The following ZFHX3 variants were observed in gnomAD, a reference collection of about 807,000 sequenced individuals.
ZFHX3 encodes the protein zinc finger homeobox 3, also known as zinc finger homeobox protein 3.
ZFHX3 carries 42 observed loss-of-function variants against 279.1 expected under a neutral mutation model. The observed-to-expected ratio is 0.15, with a 90% confidence interval of 0.12 to 0.19. The LOEUF (loss-of-function observed/expected upper bound fraction) is 0.19. ZFHX3 is among the 10% of genes least tolerant of loss of function. The pLI is 1.00. For missense variants in ZFHX3, 4,981 were observed against 4,754.0 expected, an observed-to-expected ratio of 1.05 and a Z score of -1.40; for synonymous variants, 2,293 against 1,957.8, an observed-to-expected ratio of 1.17 and a Z score of -4.52.
At chr16:73,643,493 G>C (rs542294726) in intron 2 of ZFHX3, among the ~76,000 whole-genome samples, 1 of 152,296 alleles carries the variant, frequency 6.6e-6, no homozygotes, top group Admixed American at 6.5e-5. Flanking sequence ...ATTAGGCACA[G>C]CACACCTTTT....
chr16:73,141,382 C>A (rs1012666330), intron 6 of ZFHX3, among the ~76,000 whole-genome samples: 10 of 151,998 alleles, frequency 6.6e-5, no homozygotes, highest in African/African-American at 2.4e-4. Flanking sequence ...AAGCACTGTG[C>A]TAATCTCTTT....
intron 5 of ZFHX3, among the ~76,000 whole-genome samples, chr16:73,223,747 C>G (rs79012239): frequency 0.089 from 13,613 of 152,226 alleles, 948 homozygotes; most frequent in East Asian, 0.42. Context: ...CAGAAACCTG[C>G]ACACAGATGT....
intron 3 of ZFHX3, among the ~76,000 whole-genome samples, chr16:73,444,024 G>A (rs2018140061): frequency 6.6e-6 from 1 of 152,188 alleles, no homozygotes; most frequent in East Asian, 1.9e-4. Context: ...GCCTCCCAAA[G>A]TGCTGGGATT....
At chr16:73,735,442 G>A (rs922175644) in intron 1 of ZFHX3, among the ~76,000 whole-genome samples, 12 of 145,016 alleles carry the variant, frequency 8.3e-5, no homozygotes, top group East Asian at 6.3e-4. Flanking sequence ...CTTGGTAACC[G>A]CCATCATACT....
At chr16:73,063,649 G>A (rs1428987912), upstream of ZFHX3, among the ~76,000 whole-genome samples, 1 of 152,052 alleles carries the variant, frequency 6.6e-6, no homozygotes, top group Non-Finnish European at 1.5e-5. Flanking sequence ...CCCCCTGGCA[G>A]GACTAGGCCG....
intron 1 of ZFHX3, among the ~76,000 whole-genome samples, chr16:73,885,051 C>A (rs1270523497): frequency 6.6e-6 from 1 of 152,098 alleles, no homozygotes; most frequent in Non-Finnish European, 1.5e-5. Context: ...TCTTTCCCCC[C>A]ACCCAGACCC....
At chr16:72,992,908 G>A (rs1360474059) in intron 1 of ZFHX3, among the ~76,000 whole-genome samples, 1 of 152,240 alleles carries the variant, frequency 6.6e-6, no homozygotes, top group African/African-American at 2.4e-5. Context: ...AGGCTGAGAC[G>A]GGTGGATCAC....
intron 3 of ZFHX3, chr16:73,318,366 C>G (rs371700724): frequency 9.2e-5 from 14 of 152,322 alleles, no homozygotes; most frequent in African/African-American, 2.4e-4. Context: ...GAATTAGAGT[C>G]ACCTTTAATC....
chr16:72,841,786 T>C (rs764434120), intron 4 of ZFHX3, among the ~76,000 whole-genome samples: 3 of 152,206 alleles, frequency 2.0e-5, no homozygotes, highest in Non-Finnish European at 4.4e-5. Context: ...ATACATTCCA[T>C]TCCACAAATG....
In ZFHX3 at chr16:73,651,231, G is replaced by A. The variant is rs577022912; in HGVS notation, c.-1547+28949C>T. Among the ~76,000 whole-genome samples the A allele has an allele frequency of 9.0e-4, 88 of 97,936 alleles. No individual in the cohort carries two copies. The Middle Eastern group carries it at 0.029, about 32-fold the overall frequency. The allele number at this position is 97,936 out of a possible 152,430, so 64.2% of individuals were successfully genotyped here. A position where few individuals can be genotyped will look rare whatever the true frequency, so the allele number is the denominator to read the frequency against. ...AGTCAGATGAAATTATCCAGAATAC[G>A]AGGAGAAAAAAAAAAAGCAGGGAAA... On this transcript the variant is annotated intron_variant, in intron 2 of 17. Transcript: ENST00000641206.
intron 5 of ZFHX3, among the ~76,000 whole-genome samples, chr16:73,204,248 TTTATTTCTATTATTATTATAGAAATTA>T (rs1314602531): frequency 6.6e-6 from 1 of 151,206 alleles, no homozygotes; most frequent in Non-Finnish European, 1.5e-5. Context: ...TACTGTGCAC[TTTATTTCTATTATTATTATAGAAATTA>T]TTATTTCTAT....
intron 2 of ZFHX3, among the ~76,000 whole-genome samples, chr16:73,595,737 C>G (rs1250815934): frequency 6.6e-6 from 1 of 152,154 alleles, no homozygotes; most frequent in Non-Finnish European, 1.5e-5. Context: ...GTCACTTGAA[C>G]TGACTTTACC....
At chr16:73,836,740 C>T (rs761280019) in intron 1 of ZFHX3, among the ~76,000 whole-genome samples, 8 of 152,218 alleles carry the variant, frequency 5.3e-5, no homozygotes, top group East Asian at 3.9e-4. Context: ...CCAAAACTCA[C>T]GATGAAACTT....
intron 5 of ZFHX3, among the ~76,000 whole-genome samples, chr16:73,195,593 A>C (rs1197376050): frequency 6.6e-6 from 1 of 151,786 alleles, no homozygotes; most frequent in Non-Finnish European, 1.5e-5. Context: ...TAGTTTTTGT[A>C]TTTTTAGTAG....
chr16:72,963,097 A>T (rs1474407232), intron 1 of ZFHX3, among the ~76,000 whole-genome samples: 1 of 152,160 alleles, frequency 6.6e-6, no homozygotes, highest in Non-Finnish European at 1.5e-5. Context: ...TTTCCCGTAA[A>T]ATCAATGATC....
At chr16:73,055,696 G>GCA (rs200899475) in intron 1 of ZFHX3, among the ~76,000 whole-genome samples, 223 of 94,750 alleles carry the variant, frequency 2.4e-3, no homozygotes, top group African/African-American at 6.3e-3. Context: ...GCGCGCGCGC[G>GCA]CGCACACACA....
chr16:73,107,898 A>G (rs1285265510), intron 7 of ZFHX3, among the ~76,000 whole-genome samples: 1 of 152,184 alleles, frequency 6.6e-6, no homozygotes, highest in Non-Finnish European at 1.5e-5. Flanking sequence ...GCAGTGGCTC[A>G]TGCCTGTAAT....
chr16:73,034,518 T>C (rs1964829333), intron 1 of ZFHX3, among the ~76,000 whole-genome samples: 1 of 152,146 alleles, frequency 6.6e-6, no homozygotes, highest in African/African-American at 2.4e-5. Flanking sequence ...ACCACACCAA[T>C]TACCTACAGG....
chr16:73,496,213 A>G (rs1567501309), intron 2 of ZFHX3, among the ~76,000 whole-genome samples: 1 of 152,192 alleles, frequency 6.6e-6, no homozygotes, highest in African/African-American at 2.4e-5. Context: ...GACGCACCCA[A>G]TGCTTGGCCT....
Sources: gnomAD v4.1 joint callset for allele counts (sites outside exome capture counted in the v4.1 genomes callset) on GRCh38, gnomAD v4.1.1 for gene constraint, MANE v1.5 for transcripts, NCBI Gene and HGNC (gene_info 2026-07-23, HGNC 2026-07-21) for gene names.